The following PCDH7 variants were observed in gnomAD, a reference collection of about 807,000 sequenced individuals.
PCDH7 encodes the protein protocadherin 7.
In PCDH7, 17 loss-of-function variants were observed where a neutral mutation model predicts 58.9. The ratio of observed to expected loss-of-function variants is 0.29; its 90% CI spans 0.20 to 0.43. The LOEUF (loss-of-function observed/expected upper bound fraction) is 0.43. PCDH7 is among the 20% of genes least tolerant of loss of function. The pLI is 1.00. For synonymous variants in PCDH7, 664 were observed against 616.4 expected (o/e 1.08, Z -1.14); for missense variants, 1,274 against 1,441.0 (o/e 0.88, Z 1.88).
At chr4:30,741,373 T>A (rs1452506605) in intron 1 of PCDH7, among the ~76,000 whole-genome samples, 2 of 150,992 alleles carry the variant, frequency 1.3e-5, no homozygotes, top group African/African-American at 4.9e-5. Flanking sequence ...AAAAAAAAAA[T>A]TATAGAGACA....
intron 1 of PCDH7, 57 bp from the exon 2 acceptor site, chr4:30,920,096 A>C: frequency 7.9e-7 from 1 of 1,261,106 alleles, no homozygotes; most frequent in Non-Finnish European, 1.1e-6. Context: ...TATTTTTTAA[A>C]ATAAGATCAT....
chr4:31,102,038 C>T lies in PCDH7; in HGVS notation c.*8-40435C>T, dbSNP rs76448097. Among the ~76,000 whole-genome samples the T allele has an allele frequency of 2.7e-3, 412 of 152,288 alleles. 1 individual carries two copies. Among genetic ancestry groups the T allele is most frequent in the African/African-American group, 9.5e-3 (396 of 41,570 alleles). The stretch of plus-strand genomic sequence containing the variant: ...ATTTCTCAAGCCTTATTAATGTTTT[C>T]ATATCTTCCAGTAACAGAGAGTGAT... On this transcript the variant is annotated intron_variant, in intron 3 of 3. Coordinates refer to the PCDH7 transcript ENST00000509759.
chr4:31,133,549 G>A (rs1163547471), intron 3 of PCDH7, among the ~76,000 whole-genome samples: 1 of 152,110 alleles, frequency 6.6e-6, no homozygotes, highest in Non-Finnish European at 1.5e-5. Context: ...ATCTATATCA[G>A]TGAATCATCT....
At position 31,139,228 on chromosome 4, in the gene PCDH7, CA is replaced by C. The variant is rs1192085427; in HGVS notation, c.*8-3243del. On this transcript the variant is annotated intron_variant, in intron 3 of 3. Transcript: ENST00000509759. ...CGGGCGTTGAGAAATACAGAAACAA[CA>C]ACAAAAAATTCTCTAAGGAACTGGC... Among the ~76,000 whole-genome samples, 5 of 152,114 alleles carry C rather than the reference CA, an allele frequency of 3.3e-5. No homozygotes were observed. The East Asian group carries it at 9.7e-4, about 29-fold the overall frequency.
chr4:30,987,534 C>A (rs1199241245), intron 3 of PCDH7: 1 of 151,888 alleles, frequency 6.6e-6, no homozygotes, highest in Non-Finnish European at 1.5e-5. Flanking sequence ...ATGAAAATGG[C>A]TTGTATAATA....
intron 1 of PCDH7, among the ~76,000 whole-genome samples, chr4:30,792,397 A>AG (rs5857205): frequency 0.86 from 130,834 of 152,038 alleles, 56,518 homozygotes; most frequent in African/African-American, 0.9. Context: ...ACATCAGAAA[A>AG]AAACAAAGCC....
chr4:30,808,676 T>C (rs752214041), intron 1 of PCDH7, among the ~76,000 whole-genome samples: 16 of 152,202 alleles, frequency 1.1e-4, no homozygotes, highest in Non-Finnish European at 2.1e-4. Context: ...TGTAGAAATA[T>C]AGGCTCACTA....
At chr4:30,961,487 G>C (rs1401719683) in intron 3 of PCDH7, among the ~76,000 whole-genome samples, 4 of 151,934 alleles carry the variant, frequency 2.6e-5, no homozygotes, top group African/African-American at 9.7e-5. Context: ...GGGAGGTGGA[G>C]GTTGCAGTGA....
intron 3 of PCDH7, among the ~76,000 whole-genome samples, chr4:31,015,515 T>A (rs1578565796): frequency 6.6e-6 from 1 of 152,162 alleles, no homozygotes; most frequent in South Asian, 2.1e-4. Context: ...AAATCATATT[T>A]TACAAGCGTG....
rs980832282 is a variant in PCDH7, at chr4:30,885,524, C to CTG, written c.71-34616_71-34615dup. The stretch of plus-strand genomic sequence containing the variant: ...TATTTCTTCTCACGATACTGTCTCT[C>CTG]TGTGTGTGTGTGTGCATGTGTGTGC... On this transcript the variant is annotated intron_variant, in intron 1 of 3. Transcript: ENST00000509759. Among the ~76,000 whole-genome samples the CTG allele has an allele frequency of 1.6e-4, 25 of 151,618 alleles. No individual in the cohort carries two copies. The East Asian group carries it at 2.1e-3, about 13-fold the overall frequency.
At chr4:30,963,652 G>A (rs936587484) in intron 3 of PCDH7, among the ~76,000 whole-genome samples, 1 of 152,114 alleles carries the variant, frequency 6.6e-6, no homozygotes, top group Non-Finnish European at 1.5e-5. Context: ...AGCTCATAGA[G>A]AGTAAGATGG....
At chr4:30,842,285 G>A (rs985286920) in intron 1 of PCDH7, among the ~76,000 whole-genome samples, 5 of 152,108 alleles carry the variant, frequency 3.3e-5, no homozygotes, top group Admixed American at 2.0e-4. Context: ...CAAATTAACC[G>A]AATGCATAGA....
intron 3 of PCDH7, among the ~76,000 whole-genome samples, chr4:30,952,769 A>G (rs1246580861): frequency 1.3e-5 from 2 of 152,112 alleles, no homozygotes; most frequent in African/African-American, 4.8e-5. Flanking sequence ...TTCTGTGACA[A>G]CAGTTTTTTT....
chr4:30,802,376 G>A (rs967744746), intron 1 of PCDH7, among the ~76,000 whole-genome samples: 2 of 152,082 alleles, frequency 1.3e-5, no homozygotes, highest in South Asian at 2.1e-4. Context: ...GAAAGAAAAG[G>A]AAAGAGCAGT....
At chr4:31,023,977 C>G (rs1214100568) in intron 3 of PCDH7, among the ~76,000 whole-genome samples, 1 of 152,164 alleles carries the variant, frequency 6.6e-6, no homozygotes, top group Non-Finnish European at 1.5e-5. Flanking sequence ...AAAAGAAGCA[C>G]TGTCAGACGC....
downstream of PCDH7, among the ~76,000 whole-genome samples, chr4:30,736,230 ATAACAAAAATC>A (rs911284369): frequency 2.9e-4 from 44 of 152,306 alleles, no homozygotes; most frequent in Admixed American, 2.6e-3. Flanking sequence ...AAAAATACAA[ATAACAAAAATC>A]TGTGGAATAT....
At chr4:30,815,590 C>T (rs547309422) in intron 1 of PCDH7, among the ~76,000 whole-genome samples, 1 of 152,258 alleles carries the variant, frequency 6.6e-6, no homozygotes, top group East Asian at 1.9e-4. Context: ...GACGCATGCG[C>T]GGTGTGTTTA....
downstream of PCDH7, among the ~76,000 whole-genome samples, chr4:30,734,238 T>G (rs905300601): frequency 3.8e-5 from 4 of 105,084 alleles, no homozygotes; most frequent in African/African-American, 1.5e-4. Flanking sequence ...TTTTCTATCT[T>G]TTTTTTTTTT....
At chr4:31,015,887 A>T (rs183912992) in intron 3 of PCDH7, among the ~76,000 whole-genome samples, 1,535 of 152,290 alleles carry the variant, frequency 0.01, 12 homozygotes, top group Non-Finnish European at 0.013. Flanking sequence ...TCAATATCTA[A>T]TTTAAATTTA....
Sources: allele counts gnomAD v4.1 joint callset (sites outside exome capture counted in the v4.1 genomes callset), GRCh38; gene constraint gnomAD v4.1.1; transcripts MANE v1.5; gene names NCBI Gene and HGNC (gene_info 2026-07-23, HGNC 2026-07-21).